The following ACTR3C variants were observed in gnomAD, a reference collection of about 807,000 sequenced individuals.
The protein encoded by ACTR3C is actin-related protein 3C.
A neutral mutation model predicts 26.3 loss-of-function variants in ACTR3C; 18 were observed. The ratio of observed to expected loss-of-function variants is 0.68; its 90% CI spans 0.47 to 1.01. The LOEUF (loss-of-function observed/expected upper bound fraction) is 1.01, where lower values mean the gene tolerates loss of function less well. Ranked by LOEUF, ACTR3C falls within the 50% of genes least tolerant of loss-of-function variation. The probability of loss-of-function intolerance (pLI) is 0.00; values close to 1 mark genes in which losing one functional copy is unlikely to be tolerated. For synonymous variants in ACTR3C, 55 were observed against 94.5 expected, an observed-to-expected ratio of 0.58 and a Z score of 2.42; for missense variants, 184 against 250.7, an observed-to-expected ratio of 0.73 and a Z score of 1.80.
chr7:150,172,888 C>T, the ACTR3C span, among the ~76,000 whole-genome samples: 11 of 150,440 alleles, frequency 7.3e-5, no homozygotes, highest in Non-Finnish European at 8.8e-5. Flanking sequence ...CCAAAATGAT[C>T]TCTTTTGACT....
intron 4 of ACTR3C, among the ~76,000 whole-genome samples, chr7:150,287,658 C>A (rs1367151800): frequency 6.6e-6 from 1 of 151,914 alleles, no homozygotes; most frequent in Admixed American, 6.5e-5. Context: ...TTTAAAGTTT[C>A]TTAGCATCCC....
intron 1 of ACTR3C, among the ~76,000 whole-genome samples, chr7:150,313,919 G>A (rs921339224): frequency 1.3e-5 from 2 of 152,198 alleles, no homozygotes; most frequent in African/African-American, 4.8e-5. Flanking sequence ...CAAGGGACTT[G>A]GGGACTGTGA....
At chr7:150,111,252 A>C in the ACTR3C span, among the ~76,000 whole-genome samples, 1 of 115,356 alleles carries the variant, frequency 8.7e-6, no homozygotes. Flanking sequence ...TGCTTCCCGC[A>C]CACGTTGGCA....
At chr7:150,168,616 A>G in the ACTR3C span, among the ~76,000 whole-genome samples, 1 of 150,860 alleles carries the variant, frequency 6.6e-6, no homozygotes, top group Admixed American at 6.6e-5. Context: ...AGTCTGGTCC[A>G]TGGAACAATT....
chr7:150,101,148 G>C, the ACTR3C span, among the ~76,000 whole-genome samples: 6 of 151,614 alleles, frequency 4.0e-5, 1 homozygote, highest in African/African-American at 1.5e-4. Context: ...CACTCGGCAA[G>C]TACTCACTAA....
At chr7:149,988,679 T>A in the ACTR3C span, among the ~76,000 whole-genome samples, 1 of 152,120 alleles carries the variant, frequency 6.6e-6, no homozygotes, top group Admixed American at 6.5e-5. Context: ...CCCACAGAAG[T>A]CTCATGATGA....
chr7:150,252,624 T>C (rs1309937251), intron 6 of ACTR3C, among the ~76,000 whole-genome samples: 1 of 152,212 alleles, frequency 6.6e-6, no homozygotes, highest in African/African-American at 2.4e-5. Context: ...TTACAGCTAA[T>C]GGGAAAAGAC....
At chr7:150,081,432 C>T in the ACTR3C span, among the ~76,000 whole-genome samples, 1 of 151,630 alleles carries the variant, frequency 6.6e-6, no homozygotes, top group Non-Finnish European at 1.5e-5. Context: ...ATAAACATTT[C>T]ATTATTCACA....
chr7:150,047,608 C>A, the ACTR3C span: 7 of 1,041,744 alleles, frequency 6.7e-6, no homozygotes, highest in African/African-American at 8.6e-5. Flanking sequence ...GAAGCTCTTA[C>A]GTCCTCCTTG....
chr7:150,122,288 CAAAAA>C, the ACTR3C span, among the ~76,000 whole-genome samples: 4 of 138,814 alleles, frequency 2.9e-5, no homozygotes, highest in Admixed American at 1.4e-4. Context: ...CAAAACAAAA[CAAAAA>C]ACAACTATCA....
At chr7:149,884,132 A>T in the ACTR3C span, among the ~76,000 whole-genome samples, 3 of 152,126 alleles carry the variant, frequency 2.0e-5, no homozygotes, top group Admixed American at 2.0e-4. Flanking sequence ...AACAGTGAGG[A>T]GCTGGAGGTG....
the ACTR3C span, among the ~76,000 whole-genome samples, chr7:150,077,394 G>A: frequency 2.6e-5 from 4 of 152,140 alleles, no homozygotes; most frequent in Admixed American, 6.5e-5. Flanking sequence ...CATGAGCTGG[G>A]GTCACAACTC....
the ACTR3C span, among the ~76,000 whole-genome samples, chr7:150,237,612 G>T: frequency 6.6e-6 from 1 of 152,162 alleles, no homozygotes. Context: ...CAAGTACCTA[G>T]AGAGGAACAA....
chr7:149,983,552 G>C, the ACTR3C span, among the ~76,000 whole-genome samples: 1 of 149,818 alleles, frequency 6.7e-6, no homozygotes, highest in Non-Finnish European at 1.5e-5. Context: ...TAGCCACTTT[G>C]GAATAGAGTA....
At chr7:150,106,046 G>GCT in the ACTR3C span, among the ~76,000 whole-genome samples, 1 of 151,976 alleles carries the variant, frequency 6.6e-6, no homozygotes, top group East Asian at 1.9e-4. Flanking sequence ...AGAAAAATAA[G>GCT]CTTAAATCAC....
the ACTR3C span, among the ~76,000 whole-genome samples, chr7:150,127,636 G>A: frequency 2.0e-5 from 3 of 152,094 alleles, no homozygotes; most frequent in African/African-American, 7.2e-5. Flanking sequence ...CCAACAACTA[G>A]AAAGCAGAAA....
At chr7:149,983,449 G>GTGTGTGTGTATATATATATATATATA in the ACTR3C span, among the ~76,000 whole-genome samples, 4 of 23,324 alleles carry the variant, frequency 1.7e-4, no homozygotes, top group East Asian at 2.7e-3. Flanking sequence ...GTGTGTGTGT[G>GTGTGTGTGTATATATATATATATATA]TATATATATA....
rs1319338177 is a variant in ACTR3C at position 150,274,650 on chromosome 7, C to T, written c.564+10103G>A. The stretch of plus-strand genomic sequence containing the variant: ...GCCTGGCCCATCCTGCACCTGAGGA[C>T]GCAGGGGCTGGGGAATGAGTGCAGT... On this transcript the variant is annotated intron_variant, in intron 6 of 7. Coordinates refer to ENST00000683684, the MANE Select transcript of ACTR3C (RefSeq NM_001164458.2). The surrounding 1 kb of genome is among the most constrained non-coding windows in gnomAD (Gnocchi z 4.1). Among the ~76,000 whole-genome samples the T allele has an allele frequency of 2.6e-5, 4 of 152,296 alleles. No individual in the cohort carries two copies. Among genetic ancestry groups the T allele is most frequent in the South Asian group, 2.1e-4 (1 of 4,826 alleles).
the ACTR3C span, among the ~76,000 whole-genome samples, chr7:149,984,077 TGGA>T: frequency 4.6e-5 from 7 of 152,186 alleles, no homozygotes; most frequent in Admixed American, 6.5e-5. Context: ...TAAACATTTA[TGGA>T]GAGAGTAGAT....
Sources: allele counts gnomAD v4.1 joint callset (sites outside exome capture counted in the v4.1 genomes callset), GRCh38; gene constraint gnomAD v4.1.1; non-coding constraint Gnocchi (gnomAD v3.1); transcripts MANE v1.5; gene names NCBI Gene and HGNC (gene_info 2026-07-23, HGNC 2026-07-21).